The following IMPA2 variants were observed in gnomAD, a reference collection of about 807,000 sequenced individuals.
The protein encoded by IMPA2 is inositol monophosphatase 2, also known as IMP 2.
IMPA2 carries 32 observed loss-of-function variants against 35.1 expected under a neutral mutation model. That is an observed-to-expected ratio of 0.91 (90% CI 0.69 to 1.23). The LOEUF is 1.23. Among genes scored for constraint, IMPA2 ranks in the 50% most tolerant of loss-of-function variants. The pLI is 0.00. For synonymous variants in IMPA2, 135 were observed against 160.6 expected (o/e 0.84, Z 1.20); for missense variants, 334 against 387.6 (o/e 0.86, Z 1.16).
chr18:11,997,580 C>T (rs1016108571), intron 1 of IMPA2, among the ~76,000 whole-genome samples: 4 of 152,176 alleles, frequency 2.6e-5, no homozygotes, highest in African/African-American at 4.8e-5. Context: ...CAGGCAGCCC[C>T]GTATGGGGAG....
intron 3 of IMPA2, among the ~76,000 whole-genome samples, chr18:12,011,223 A>G (rs1907424846): frequency 6.6e-6 from 1 of 152,198 alleles, no homozygotes; most frequent in African/African-American, 2.4e-5. Flanking sequence ...CTGGGAAAAG[A>G]GCAGCAATTT....
At chr18:12,026,576 C>T (rs1907887238) in intron 5 of IMPA2, among the ~76,000 whole-genome samples, 1 of 152,192 alleles carries the variant, frequency 6.6e-6, no homozygotes, top group Non-Finnish European at 1.5e-5. Flanking sequence ...ATCGAGTGCC[C>T]ACTCAGCCTG....
At position 11,999,157 on chromosome 18, in the gene IMPA2, C is replaced by T. The variant is rs759877969; in HGVS notation, c.200C>T (p.Ser67Phe). Residue 67 changes from serine (S) to phenylalanine (F), a missense_variant, in exon 2 of 8, where the codon TCT becomes TTT. Coordinates refer to ENST00000269159, the MANE Select transcript of IMPA2 (RefSeq NM_014214.3). ...TDHLVEDLII[S>F]ELRERFPSHR... Reference sequence around the variant, plus strand: ...CACCTTGTGGAAGATTTAATTATTTCTGAGTTGCGAGAGAGGTTTCCTTCA... The same window carrying T: ...CACCTTGTGGAAGATTTAATTATTTTTGAGTTGCGAGAGAGGTTTCCTTCA... 1 of 1,613,932 alleles carries T rather than the reference C, an allele frequency of 6.2e-7. No homozygotes were observed. Among genetic ancestry groups the T allele is most frequent in the South Asian group, 1.1e-5 (1 of 91,058 alleles).
intron 1 of IMPA2, among the ~76,000 whole-genome samples, chr18:11,988,668 G>A (rs1469496762): frequency 3.3e-5 from 5 of 152,170 alleles, no homozygotes; most frequent in Non-Finnish European, 7.4e-5. Flanking sequence ...TGTGGGGTGT[G>A]AGAGAAAGAG....
intron 5 of IMPA2, chr18:12,018,160 T>C: frequency 1.3e-5 from 2 of 153,722 alleles, no homozygotes; most frequent in South Asian, 2.0e-4. Context: ...AGGCTGGTCT[T>C]GAACTCCTGA....
At chr18:12,008,284 C>G (rs773576294) in intron 2 of IMPA2, 1 of 504,820 alleles carries the variant, frequency 2.0e-6, no homozygotes, top group South Asian at 1.4e-5. Context: ...GCGTGAGCCA[C>G]CGCGCCTTGC....
chr18:11,998,361 G>T (rs942247600), intron 1 of IMPA2, among the ~76,000 whole-genome samples: 1 of 152,222 alleles, frequency 6.6e-6, no homozygotes, highest in South Asian at 2.1e-4. Context: ...AGACCAGTGT[G>T]TTGGCAGCTT....
intron 1 of IMPA2, among the ~76,000 whole-genome samples, chr18:11,984,182 C>T (rs61574437): frequency 6.6e-6 from 1 of 152,322 alleles, no homozygotes; most frequent in African/African-American, 2.4e-5. Context: ...GCTTCCATTT[C>T]CCCTCTGCCC....
At chr18:12,027,367 C>T (rs1365142128) in intron 5 of IMPA2, among the ~76,000 whole-genome samples, 1 of 152,144 alleles carries the variant, frequency 6.6e-6, no homozygotes, top group Non-Finnish European at 1.5e-5. Flanking sequence ...GTGTCGGCAC[C>T]CCCCTGCATC....
chr18:12,012,258 C>T (rs1312023365), intron 4 of IMPA2, 43 bp downstream of exon 4: 4 of 1,547,770 alleles, frequency 2.6e-6, no homozygotes, highest in Non-Finnish European at 1.8e-6. Flanking sequence ...CCCTGGGCTC[C>T]CTCTGGCCAT....
At chr18:12,018,587 G>T (rs773191665) in intron 5 of IMPA2, among the ~76,000 whole-genome samples, 14 of 152,046 alleles carry the variant, frequency 9.2e-5, no homozygotes, top group Non-Finnish European at 1.2e-4. Flanking sequence ...ATTACTGAAG[G>T]CCTTTAAAAC....
At chr18:12,001,249 T>C (rs576165709) in intron 2 of IMPA2, among the ~76,000 whole-genome samples, 3 of 152,016 alleles carry the variant, frequency 2.0e-5, no homozygotes, top group Non-Finnish European at 4.4e-5. Flanking sequence ...TAAATAAACC[T>C]AATTTTAATC....
chr18:12,007,632 T>TTTC (rs1907298824), intron 2 of IMPA2, among the ~76,000 whole-genome samples: 1 of 30,960 alleles, frequency 3.2e-5, no homozygotes, highest in African/African-American at 9.1e-5. Context: ...TTCTTTCTTC[T>TTTC]TTCTTTCTTT....
At chr18:12,013,432 C>A (rs1907488391) in intron 4 of IMPA2, among the ~76,000 whole-genome samples, 1 of 152,190 alleles carries the variant, frequency 6.6e-6, no homozygotes, top group South Asian at 2.1e-4. Context: ...CAGAAATAAA[C>A]CCTTTCTCTG....
chr18:11,998,979 G>A (rs998068092), intron 1 of IMPA2, 75 bp from the exon 2 acceptor site: 48 of 902,404 alleles, frequency 5.3e-5, no homozygotes, highest in South Asian at 1.6e-4. Flanking sequence ...GAGGGGACTC[G>A]AAGGAGTGGA....
At chr18:12,019,799 A>G (rs1023152488) in intron 5 of IMPA2, among the ~76,000 whole-genome samples, 2 of 152,086 alleles carry the variant, frequency 1.3e-5, no homozygotes, top group African/African-American at 4.8e-5. Context: ...TATTAATATC[A>G]CCACTCCTCA....
chr18:12,007,630 T>TCTTC (rs1491199022), intron 2 of IMPA2, among the ~76,000 whole-genome samples: 1 of 29,132 alleles, frequency 3.4e-5, no homozygotes, highest in Admixed American at 3.2e-4. Flanking sequence ...TTTTCTTTCT[T>TCTTC]CTTTCTTTCT....
rs542486285 is a variant in IMPA2, at chr18:12,023,562, G to A, written c.491-4481G>A. The stretch of plus-strand genomic sequence containing the variant: ...CCTGCCTGTCTAGGCTGGCACTGGC[G>A]GACTTTCCTCCACCCACCCGCCCTG... On this transcript the variant is annotated intron_variant, in intron 5 of 7. Transcript: ENST00000269159. Among the ~76,000 whole-genome samples the A allele has an allele frequency of 8.5e-5, 13 of 152,310 alleles. No individual in the cohort carries two copies. The East Asian group carries it at 9.6e-4, about 11-fold the overall frequency.
Position 12,000,386 on chromosome 18 carries a change from C to A in IMPA2, c.230+1199C>A, listed in dbSNP as rs997649921. On this transcript the variant is annotated intron_variant, in intron 2 of 7. Coordinates refer to ENST00000269159, the MANE Select transcript of IMPA2 (RefSeq NM_014214.3). ...ATGATTATATAAATGAAAGAACAAG[C>A]GAGTGTTAAACACTTACCTTCTTTT... 2.9e-4 allele frequency among the ~76,000 whole-genome samples: 41 copies of A among 142,084 alleles called. No individual in the cohort carries two copies. The Admixed American group carries it at 3.0e-3, about 10-fold the overall frequency. 93.2% of individuals were successfully genotyped at this position (142,084 alleles called of 152,430 possible). A position where few individuals can be genotyped will look rare whatever the true frequency, so the allele number is the denominator to read the frequency against.
Sources: allele counts gnomAD v4.1 joint callset (sites outside exome capture counted in the v4.1 genomes callset), GRCh38; gene constraint gnomAD v4.1.1; transcripts MANE v1.5; gene names NCBI Gene and HGNC (gene_info 2026-07-23, HGNC 2026-07-21).